The following PCDH7 variants were observed in gnomAD, a reference collection of about 807,000 sequenced individuals.
PCDH7 encodes protocadherin 7.
PCDH7 carries 17 observed loss-of-function variants against 58.9 expected under a neutral mutation model. The ratio of observed to expected loss-of-function variants is 0.29; its 90% CI spans 0.20 to 0.43. The LOEUF (loss-of-function observed/expected upper bound fraction) is 0.43. PCDH7 is among the 20% of genes least tolerant of loss of function. The pLI is 1.00. For synonymous variants in PCDH7, 664 were observed against 616.4 expected (o/e 1.08, Z -1.14); for missense variants, 1,274 against 1,441.0 (o/e 0.88, Z 1.88).
chr4:30,866,478 A>G (rs1041999033), intron 1 of PCDH7, among the ~76,000 whole-genome samples: 7 of 152,160 alleles, frequency 4.6e-5, no homozygotes, highest in African/African-American at 1.7e-4. Context: ...AGCTTTCCTT[A>G]TTTGACTTAG....
chr4:30,832,165 G>C (rs1729884234), intron 1 of PCDH7, among the ~76,000 whole-genome samples: 1 of 152,076 alleles, frequency 6.6e-6, no homozygotes, highest in South Asian at 2.1e-4. Context: ...TCTTGCTATG[G>C]GGGAATGAAA....
chr4:30,786,185 G>A (rs924956433), intron 1 of PCDH7, among the ~76,000 whole-genome samples: 3 of 151,988 alleles, frequency 2.0e-5, no homozygotes, highest in Admixed American at 1.3e-4. Flanking sequence ...TTTGTTGATA[G>A]CATATAACTT....
At chr4:31,024,346 T>C (rs1256537665) in intron 3 of PCDH7, among the ~76,000 whole-genome samples, 1 of 152,198 alleles carries the variant, frequency 6.6e-6, no homozygotes, top group Non-Finnish European at 1.5e-5. Context: ...ATCTGCTTAA[T>C]AGGAGAATTG....
At chr4:31,110,565 C>T (rs180867109) in intron 3 of PCDH7, among the ~76,000 whole-genome samples, 2,076 of 152,222 alleles carry the variant, frequency 0.014, 18 homozygotes, top group Admixed American at 0.018. Context: ...TTTAAGGAAA[C>T]TCATTATTTT....
chr4:30,959,505 C>T (rs891305713), intron 3 of PCDH7, among the ~76,000 whole-genome samples: 2 of 152,000 alleles, frequency 1.3e-5, no homozygotes, highest in South Asian at 4.1e-4. Flanking sequence ...AAAACATGAA[C>T]TATTATTATT....
intron 1 of PCDH7, among the ~76,000 whole-genome samples, chr4:30,835,187 G>T (rs1361811316): frequency 6.6e-6 from 1 of 152,070 alleles, no homozygotes; most frequent in Non-Finnish European, 1.5e-5. Context: ...ATTCCCGGGA[G>T]CGCAGAGTCA....
chr4:31,116,124 G>A (rs183840116), intron 3 of PCDH7, among the ~76,000 whole-genome samples: 1,575 of 152,194 alleles, frequency 0.01, 14 homozygotes, highest in Non-Finnish European at 0.014. Context: ...AAAAATCTAA[G>A]CCCTCTAAAA....
At chr4:31,053,986 G>T (rs949042237) in intron 3 of PCDH7, among the ~76,000 whole-genome samples, 1 of 152,002 alleles carries the variant, frequency 6.6e-6, no homozygotes, top group African/African-American at 2.4e-5. Context: ...TTGAGACATG[G>T]TCTTGTTCTG....
intron 3 of PCDH7, among the ~76,000 whole-genome samples, chr4:30,988,708 A>G (rs1751202641): frequency 6.6e-6 from 1 of 152,214 alleles, no homozygotes; most frequent in Admixed American, 6.5e-5. Flanking sequence ...ATACAAATTG[A>G]AGTTTGCAAC....
chr4:30,902,058 A>G (rs542100790), intron 1 of PCDH7, among the ~76,000 whole-genome samples: 3 of 152,324 alleles, frequency 2.0e-5, no homozygotes, highest in Admixed American at 6.5e-5. Context: ...GCAGAATAAC[A>G]CGAGTAATTA....
chr4:30,980,348 T>G (rs1370550394), intron 3 of PCDH7, among the ~76,000 whole-genome samples: 1 of 150,360 alleles, frequency 6.7e-6, no homozygotes, highest in African/African-American at 2.4e-5. Flanking sequence ...ATATAAATTG[T>G]TTTTTTTGTG....
intron 3 of PCDH7, among the ~76,000 whole-genome samples, chr4:31,067,333 T>C (rs1337133431): frequency 1.4e-5 from 2 of 139,658 alleles, no homozygotes; most frequent in African/African-American, 5.5e-5. Context: ...GGAATGGATA[T>C]GACACTCAAT....
chr4:31,101,485 C>A (rs972106942), intron 3 of PCDH7, among the ~76,000 whole-genome samples: 2 of 152,020 alleles, frequency 1.3e-5, no homozygotes, highest in Admixed American at 6.6e-5. Flanking sequence ...AGTTTTCTTT[C>A]CTCTTTGCAA....
exon 1 of PCDH7, chr4:30,724,030 A>C: frequency 6.2e-7 from 1 of 1,614,166 alleles, no homozygotes; most frequent in African/African-American, 1.3e-5. Context: ...TGGTGACCCA[A>C]GCTATGAAAT....
At chr4:30,833,917 CAAAT>C (rs1189172523) in intron 1 of PCDH7, among the ~76,000 whole-genome samples, 1 of 152,118 alleles carries the variant, frequency 6.6e-6, no homozygotes, top group Non-Finnish European at 1.5e-5. Context: ...AGTTGTCTGT[CAAAT>C]AAGTAAGAGG....
chr4:30,778,650 T>A, intron 1 of PCDH7, among the ~76,000 whole-genome samples: 1 of 152,208 alleles, frequency 6.6e-6, no homozygotes, highest in East Asian at 1.9e-4. Context: ...CATTGCTGTT[T>A]ATTCTTTTTG....
chr4:31,035,806 G>A (rs1222008914), intron 3 of PCDH7, among the ~76,000 whole-genome samples: 1 of 152,156 alleles, frequency 6.6e-6, no homozygotes, highest in Non-Finnish European at 1.5e-5. Context: ...AAAGTTCCTT[G>A]AGGATGTGGA....
chr4:30,765,023 C>CTTTTTTGTTT (rs1477522624), intron 1 of PCDH7, among the ~76,000 whole-genome samples: 1 of 144,216 alleles, frequency 6.9e-6, no homozygotes, highest in Non-Finnish European at 1.5e-5. Flanking sequence ...CCTGCCTGGT[C>CTTTTTTGTTT]TTTTTTGTTT....
rs562582068 is a variant in PCDH7, at chr4:30,875,624, G to C, written c.71-44529G>C. On this transcript the variant is annotated intron_variant, in intron 1 of 3. Transcript: ENST00000509759. ...CCTCTCTCTAGATTAATGCATCAGT[G>C]CATTCTACCTAAATAGACTGAAAGC... 4.6e-5 allele frequency among the ~76,000 whole-genome samples: 7 copies of C among 152,186 alleles called. 1 individual carries two copies. The South Asian group carries it at 1.5e-3, about 32-fold the overall frequency.
Sources: allele counts gnomAD v4.1 joint callset (sites outside exome capture counted in the v4.1 genomes callset), GRCh38; gene constraint gnomAD v4.1.1; transcripts MANE v1.5; gene names NCBI Gene and HGNC (gene_info 2026-07-23, HGNC 2026-07-21).